ZFAND3: variants seen among roughly 807,000 people sequenced by gnomAD.
ZFAND3 encodes the protein AN1-type zinc finger protein 3.
ZFAND3 carries 10 observed loss-of-function variants against 29.6 expected under a neutral mutation model. That is an observed-to-expected ratio of 0.34 (90% CI 0.21 to 0.57). ZFAND3 has a LOEUF of 0.57. Ranked by LOEUF, ZFAND3 falls within the 20% of genes least tolerant of loss-of-function variation. ZFAND3 has a pLI of 0.86. For missense variants in ZFAND3, 230 were observed against 304.5 expected (o/e 0.76, Z 1.82); for synonymous variants, 128 against 112.6 (o/e 1.14, Z -0.87).
At chr6:38,013,875 C>T (rs575410537) in intron 2 of ZFAND3, among the ~76,000 whole-genome samples, 1 of 152,280 alleles carries the variant, frequency 6.6e-6, no homozygotes, top group East Asian at 1.9e-4. Context: ...TGAACCACTA[C>T]CCTATTTAAT....
Position 38,153,963 on chromosome 6 carries a change from A to C in ZFAND3, c.*1574A>C. 1 of 985,504 alleles carries C rather than the reference A, an allele frequency of 1.0e-6. No homozygotes were observed. The highest frequency in any genetic ancestry group is 1.2e-6 in the Non-Finnish European group (1 of 829,944). The allele number at this position is 985,504 out of a possible 1,614,324, so 61.0% of individuals were successfully genotyped here. On this transcript the variant is annotated 3_prime_UTR_variant, in exon 6 of 6. Transcript: ENST00000287218. ...GCAAATTAACAGCTGAACACCTGCA[A>C]CTGCAAATGTTTTTTGATCCGACGT...
intron 1 of ZFAND3, among the ~76,000 whole-genome samples, chr6:37,899,135 G>A (rs1465158755): frequency 6.6e-6 from 1 of 152,032 alleles, no homozygotes; most frequent in African/African-American, 2.4e-5. Context: ...TCCTGACCTC[G>A]TGATCCACCC....
intron 2 of ZFAND3, among the ~76,000 whole-genome samples, chr6:38,005,632 TATA>T (rs1038980928): frequency 1.3e-5 from 2 of 152,220 alleles, no homozygotes; most frequent in East Asian, 1.9e-4. Context: ...TCACTTTTCT[TATA>T]ATGATGGATT....
intron 2 of ZFAND3, among the ~76,000 whole-genome samples, chr6:38,035,395 C>G (rs1763638931): frequency 6.6e-6 from 1 of 152,176 alleles, no homozygotes; most frequent in African/African-American, 2.4e-5. Context: ...CAGGACGTGT[C>G]TCACGGTTTC....
At chr6:38,100,876 A>G (rs1005466221) in intron 4 of ZFAND3, among the ~76,000 whole-genome samples, 2 of 152,180 alleles carry the variant, frequency 1.3e-5, no homozygotes, top group East Asian at 1.9e-4. Context: ...CTGTCTGTAT[A>G]CATGTATGCA....
At chr6:37,873,111 C>CAAA (rs754495678) in intron 1 of ZFAND3, among the ~76,000 whole-genome samples, 9,853 of 151,830 alleles carry the variant, frequency 0.065, 375 homozygotes, top group Non-Finnish European at 0.084. Context: ...CAAAAAAAAC[C>CAAA]CCCCAAAAAA....
intron 2 of ZFAND3, among the ~76,000 whole-genome samples, chr6:38,044,477 G>A (rs1332971048): frequency 6.6e-6 from 1 of 152,068 alleles, no homozygotes; most frequent in African/African-American, 2.4e-5. Flanking sequence ...GAGCGCCTGA[G>A]TGCTAGAGCC....
chr6:37,893,984 G>A (rs1258025712), intron 1 of ZFAND3, among the ~76,000 whole-genome samples: 2 of 152,080 alleles, frequency 1.3e-5, no homozygotes, highest in East Asian at 1.9e-4. Flanking sequence ...GCTGGGTGCC[G>A]TGGCTGACAC....
At chr6:37,884,494 C>CAAAAAAAAAAAA (rs58015486) in intron 1 of ZFAND3, among the ~76,000 whole-genome samples, 1 of 53,850 alleles carries the variant, frequency 1.9e-5, no homozygotes, top group Non-Finnish European at 3.0e-5. Context: ...AACTCTAGCT[C>CAAAAAAAAAAAA]AAAAAAAAAA....
At chr6:37,958,066 A>G (rs17581538) in intron 2 of ZFAND3, among the ~76,000 whole-genome samples, 9,560 of 152,214 alleles carry the variant, frequency 0.063, 420 homozygotes, top group Non-Finnish European at 0.092. Context: ...TGGACAGACA[A>G]TTAGTCATAA....
At chr6:38,120,527 T>C (rs1765513897) in intron 5 of ZFAND3, among the ~76,000 whole-genome samples, 1 of 151,856 alleles carries the variant, frequency 6.6e-6, no homozygotes, top group African/African-American at 2.4e-5. Context: ...GGATTCATCA[T>C]GTTGCCCAGG....
intron 2 of ZFAND3, among the ~76,000 whole-genome samples, chr6:37,990,266 G>A (rs960492718): frequency 1.3e-5 from 2 of 152,144 alleles, no homozygotes; most frequent in African/African-American, 4.8e-5. Flanking sequence ...CTTAAGCTCT[G>A]GAATGAGAGT....
At chr6:38,047,762 A>G (rs1164709614) in intron 2 of ZFAND3, among the ~76,000 whole-genome samples, 1 of 152,140 alleles carries the variant, frequency 6.6e-6, no homozygotes, top group Non-Finnish European at 1.5e-5. Context: ...CCACTCCTTC[A>G]TTCTGGGTTC....
chr6:37,963,352 T>C (rs1385047211), intron 2 of ZFAND3, among the ~76,000 whole-genome samples: 1 of 152,150 alleles, frequency 6.6e-6, no homozygotes, highest in African/African-American at 2.4e-5. Context: ...AAAGCAGTAC[T>C]AGGAGGGAAG....
chr6:37,981,785 AG>A (rs1762584399), intron 2 of ZFAND3, among the ~76,000 whole-genome samples: 1 of 152,150 alleles, frequency 6.6e-6, no homozygotes, highest in Non-Finnish European at 1.5e-5. Flanking sequence ...TTATTTTGCC[AG>A]GGTTAAGGAT....
chr6:37,992,566 C>T (rs746561311), intron 2 of ZFAND3, among the ~76,000 whole-genome samples: 1 of 152,046 alleles, frequency 6.6e-6, no homozygotes, highest in African/African-American at 2.4e-5. Flanking sequence ...ATTGACACTC[C>T]ACCCTTAAAT....
intron 1 of ZFAND3, among the ~76,000 whole-genome samples, chr6:37,854,772 C>CG (rs1319275677): frequency 7.1e-6 from 1 of 141,776 alleles, no homozygotes; most frequent in Non-Finnish European, 1.5e-5. Flanking sequence ...ATGCCCCCCC[C>CG]CCCCTTTTTT....
At position 37,989,418 on chromosome 6, in the gene ZFAND3, A is replaced by G. The variant is rs150947303; in HGVS notation, c.112+59419A>G. Among the ~76,000 whole-genome samples the G allele has an allele frequency of 5.5e-4, 83 of 152,282 alleles. No individual in the cohort carries two copies. In the East Asian group the frequency reaches 0.014, roughly 25 times the overall value. Reference sequence around the variant, plus strand: ...TGAAGACCCTCTCCTTGGTTTACAGACACCTTCTTGCTGTGTCCACATGGC... The same window carrying G: ...TGAAGACCCTCTCCTTGGTTTACAGGCACCTTCTTGCTGTGTCCACATGGC... On this transcript the variant is annotated intron_variant, in intron 2 of 5. Transcript: ENST00000287218.
intron 2 of ZFAND3, among the ~76,000 whole-genome samples, chr6:37,962,266 T>A (rs753932881): frequency 1.3e-5 from 2 of 152,108 alleles, no homozygotes; most frequent in African/African-American, 2.4e-5. Flanking sequence ...GAAGAAAGAA[T>A]TAGTGAGCTT....
Sources: gnomAD v4.1 joint callset for allele counts (sites outside exome capture counted in the v4.1 genomes callset) on GRCh38, gnomAD v4.1.1 for gene constraint, MANE v1.5 for transcripts, NCBI Gene and HGNC (gene_info 2026-07-23, HGNC 2026-07-21) for gene names.